Variants in C4orf50 observed in about 807,000 individuals in gnomAD.
C4orf50 encodes uncharacterized protein C4orf50.
In C4orf50, 80 loss-of-function variants were observed where a neutral mutation model predicts 77.2. The observed-to-expected ratio is 1.04, with a 90% confidence interval of 0.87 to 1.25. The LOEUF (loss-of-function observed/expected upper bound fraction) is 1.25. Ranked by LOEUF, C4orf50 falls within the 50% of genes most tolerant of loss-of-function variation. C4orf50 has a pLI of 0.00. For synonymous variants in C4orf50, 532 were observed against 465.3 expected, an observed-to-expected ratio of 1.14 and a Z score of -1.84; for missense variants, 1,257 against 1,152.9, an observed-to-expected ratio of 1.09 and a Z score of -1.31.
At chr4:6,016,844 C>T (rs1298011836) in intron 23 of C4orf50, among the ~76,000 whole-genome samples, 4 of 152,166 alleles carry the variant, frequency 2.6e-5, no homozygotes, top group African/African-American at 4.8e-5. Context: ...TGTGCATACA[C>T]GTTCAATGGT....
chr4:5,943,019 T>C (rs931350629), intron 7 of C4orf50, among the ~76,000 whole-genome samples: 3 of 152,162 alleles, frequency 2.0e-5, no homozygotes, highest in Admixed American at 6.5e-5. Context: ...GTTTAAAATA[T>C]GTTTCTTTCT....
intron 28 of C4orf50, among the ~76,000 whole-genome samples, chr4:5,981,173 C>T (rs1720561311): frequency 6.6e-6 from 1 of 152,074 alleles, no homozygotes; most frequent in Non-Finnish European, 1.5e-5. Flanking sequence ...GCTTTTCTCC[C>T]TTAACACCGT....
chr4:6,008,396 A>G lies in C4orf50; in HGVS notation c.563T>C (p.Leu188Pro), dbSNP rs1044429817. Residue 188 changes from leucine to proline, a missense_variant, in exon 25 of 34, where the codon CTG becomes CCG. Leu to Pro is a moderately conservative substitution (Grantham distance 98). Transcript: ENST00000531445. The surrounding 1 kb of genome is among the most constrained non-coding windows in gnomAD (Gnocchi z 6.0). Reference sequence around the variant, plus strand: ...GCGCTCCTGCTCCCGCACCAGGCCCAGCTGGCGCCGCTGGGTCCGCCGGCA... The same window carrying G: ...GCGCTCCTGCTCCCGCACCAGGCCCGGCTGGCGCCGCTGGGTCCGCCGGCA... 11 of 393,866 alleles carry G rather than the reference A, an allele frequency of 2.8e-5. No homozygotes were observed. The highest frequency in any genetic ancestry group is 2.3e-4 in the African/African-American group (11 of 48,266). The allele number at this position is 393,866 out of a possible 1,614,324, so 24.4% of individuals were successfully genotyped here.
intron 25 of C4orf50, among the ~76,000 whole-genome samples, chr4:6,004,262 ATGGTGGTGATGGTGATGGTGATGT>A (rs1722093836): frequency 2.0e-5 from 1 of 50,962 alleles, no homozygotes; most frequent in Non-Finnish European, 3.7e-5. Context: ...GGTGATGGTG[ATGGTGGTGATGGTGATGGTGATGT>A]TGGTGATGAT....
In C4orf50 at chr4:6,007,162, A is replaced by G. The variant is rs1219849742; in HGVS notation, c.963+834T>C. On this transcript the variant is annotated intron_variant, in intron 25 of 33. Transcript: ENST00000531445. This position sits in a 1 kb window ranked among gnomAD's most constrained non-coding sequence, Gnocchi z 4.1. ...CTGACCAGTGGCCAGAGGGGTAGATAGATGAACACATGGTGTGGTGAATGA... is the reference window on the plus strand; with the variant it reads ...CTGACCAGTGGCCAGAGGGGTAGATGGATGAACACATGGTGTGGTGAATGA... Among the ~76,000 whole-genome samples the G allele has an allele frequency of 3.9e-5, 6 of 152,314 alleles. No individual in the cohort carries two copies. The East Asian group carries it at 1.2e-3, about 29-fold the overall frequency.
At chr4:5,965,226 C>T (rs1462359384) in intron 32 of C4orf50, 81 bp from the exon 11 acceptor site, 2 of 1,388,324 alleles carry the variant, frequency 1.4e-6, no homozygotes, top group Non-Finnish European at 2.0e-6. Context: ...TTGTCATAAC[C>T]TTCTTCACTC....
intron 7 of C4orf50, among the ~76,000 whole-genome samples, chr4:5,921,541 C>T (rs1717271841): frequency 1.3e-5 from 2 of 152,134 alleles, no homozygotes; most frequent in African/African-American, 4.8e-5. Flanking sequence ...CAGACCCTGC[C>T]AGCATCAAAA....
In C4orf50 at chr4:5,905,280, G is replaced by A. The variant is rs1716500601; in HGVS notation, c.*2475-7092C>T. ...GGTCCCCAGGTTGGTATCATACAGA[G>A]TAGAAGTATTCCCTATTAGTGACTT... On this transcript the variant is annotated intron_variant, in intron 7 of 7. Transcript: ENST00000324058. This position sits in a 1 kb window ranked among gnomAD's most constrained non-coding sequence, Gnocchi z 5.4. The A allele has an allele frequency of 1.3e-5, 2 of 152,326 alleles. No individual in the cohort carries two copies. The highest frequency in any genetic ancestry group is 3.4e-3 in the Middle Eastern group (1 of 294). 9.4% of individuals were successfully genotyped at this position (152,326 alleles called of 1,614,324 possible).
chr4:5,947,072 C>T (rs370138629), intron 7 of C4orf50, among the ~76,000 whole-genome samples: 1 of 152,156 alleles, frequency 6.6e-6, no homozygotes. Context: ...CACCGACTCA[C>T]TCATGGAACC....
At chr4:5,899,434 G>A (rs1716254037) in intron 7 of C4orf50, 1 of 152,164 alleles carries the variant, frequency 6.6e-6, no homozygotes. Flanking sequence ...TCAGCTCCAG[G>A]CTCTGCCACA....
At chr4:6,016,236 A>G (rs1019794376) in intron 23 of C4orf50, among the ~76,000 whole-genome samples, 1 of 152,174 alleles carries the variant, frequency 6.6e-6, no homozygotes, top group Non-Finnish European at 1.5e-5. Flanking sequence ...TCTTATTTGT[A>G]TCAATTAGCC....
intron 7 of C4orf50, among the ~76,000 whole-genome samples, chr4:5,946,339 C>A (rs569374600): frequency 2.0e-5 from 3 of 152,304 alleles, no homozygotes; most frequent in African/African-American, 4.8e-5. Flanking sequence ...AACCCCTAGA[C>A]CTTCAATGCA....
intron 7 of C4orf50, among the ~76,000 whole-genome samples, chr4:5,914,300 G>T (rs1577880334): frequency 1.3e-5 from 2 of 150,856 alleles, no homozygotes; most frequent in East Asian, 3.9e-4. Context: ...TGCCTCCCGG[G>T]TTCATGCCAT....
intron 29 of C4orf50, among the ~76,000 whole-genome samples, chr4:5,977,534 AT>A (rs1166604859): frequency 4.6e-5 from 7 of 152,250 alleles, no homozygotes; most frequent in Non-Finnish European, 7.3e-5. Flanking sequence ...AACTGACCTC[AT>A]TCTTTTAAAA....
chr4:5,993,763 G>T (rs981122092), intron 26 of C4orf50, among the ~76,000 whole-genome samples: 14 of 149,098 alleles, frequency 9.4e-5, no homozygotes, highest in African/African-American at 3.5e-4. Context: ...GTTGCAGTGA[G>T]CCGAGATCAC....
At chr4:5,936,165 A>T (rs887169886) in intron 7 of C4orf50, among the ~76,000 whole-genome samples, 7 of 151,952 alleles carry the variant, frequency 4.6e-5, no homozygotes, top group Non-Finnish European at 8.8e-5. Flanking sequence ...CACGGCCTGG[A>T]TTTAATCCCC....
chr4:5,967,314 G>T, intron 32 of C4orf50, 100 bp downstream of exon 10: 2 of 905,212 alleles, frequency 2.2e-6, no homozygotes, highest in Non-Finnish European at 3.7e-6. Context: ...GCATGAATGC[G>T]ACAGTGGGCA....
intron 7 of C4orf50, among the ~76,000 whole-genome samples, chr4:5,914,899 C>T (rs746353674): frequency 6.6e-6 from 1 of 152,212 alleles, no homozygotes; most frequent in African/African-American, 2.4e-5. Flanking sequence ...GGTGCCATCT[C>T]ATAGTCTATT....
chr4:5,987,909 C>G (rs954409283), intron 28 of C4orf50, among the ~76,000 whole-genome samples: 1 of 152,158 alleles, frequency 6.6e-6, no homozygotes, highest in African/African-American at 2.4e-5. Flanking sequence ...CGGGTTGGAA[C>G]CTGGTTTTAT....
Sources: gnomAD v4.1 joint callset for allele counts (sites outside exome capture counted in the v4.1 genomes callset) on GRCh38, gnomAD v4.1.1 for gene constraint, Gnocchi (gnomAD v3.1) non-coding constraint, MANE v1.5 for transcripts, NCBI Gene and HGNC (gene_info 2026-07-23, HGNC 2026-07-21) for gene names.